The following REPS1 variants were observed in gnomAD, a reference collection of about 807,000 sequenced individuals.
The protein encoded by REPS1 is ralBP1-associated Eps domain-containing protein 1.
Under a neutral mutation model 100.9 loss-of-function variants are expected in REPS1, and 39 were observed. The observed-to-expected ratio is 0.39, with a 90% CI of 0.30 to 0.50. The LOEUF (loss-of-function observed/expected upper bound fraction) is 0.50. Ranked by LOEUF, REPS1 falls within the 20% of genes least tolerant of loss-of-function variation. The pLI is 0.86. For synonymous variants in REPS1, 324 were observed against 340.3 expected (o/e 0.95, Z 0.53); for missense variants, 821 against 968.5 (o/e 0.85, Z 2.02).
intron 17 of REPS1, 161 bp downstream of exon 17, chr6:138,911,115 T>C: frequency 1.8e-6 from 1 of 562,620 alleles, no homozygotes; most frequent in Non-Finnish European, 3.1e-6. Context: ...CAGAATATCA[T>C]CTCCATTAAA....
At chr6:138,923,879 T>A (rs1780936861) in intron 10 of REPS1, among the ~76,000 whole-genome samples, 1 of 152,214 alleles carries the variant, frequency 6.6e-6, no homozygotes, top group African/African-American at 2.4e-5. Context: ...ATATTTCCAA[T>A]ACTGTAAGAA....
intron 18 of REPS1, among the ~76,000 whole-genome samples, chr6:138,908,360 C>T (rs6927528): frequency 0.24 from 35,900 of 151,924 alleles, 5,086 homozygotes; most frequent in African/African-American, 0.4. Context: ...AGTGGTGCCA[C>T]CTCGGCTCAC....
chr6:138,959,275 A>G (rs974418571), intron 1 of REPS1, among the ~76,000 whole-genome samples: 6 of 152,204 alleles, frequency 3.9e-5, no homozygotes, highest in Non-Finnish European at 7.3e-5. Flanking sequence ...ATAAAGGTAC[A>G]CGGAAGCTAC....
At chr6:138,935,870 GC>G (rs1257054498) in intron 8 of REPS1, among the ~76,000 whole-genome samples, 91 of 11,940 alleles carry the variant, frequency 7.6e-3, no homozygotes, top group East Asian at 0.021. Flanking sequence ...GGGGGGGGGC[GC>G]GGGGGAGTGG....
chr6:138,985,194 G>A (rs1785189053), intron 1 of REPS1, among the ~76,000 whole-genome samples: 1 of 152,086 alleles, frequency 6.6e-6, no homozygotes, highest in Admixed American at 6.5e-5. Context: ...TTCTCTGCCT[G>A]GAAGCCCTCA....
At chr6:138,968,808 T>C (rs1784155099) in intron 1 of REPS1, among the ~76,000 whole-genome samples, 1 of 152,194 alleles carries the variant, frequency 6.6e-6, no homozygotes, top group African/African-American at 2.4e-5. Context: ...CTGTCCTTTA[T>C]TAAAAGAAGA....
chr6:138,909,362 C>G (rs1027459410), intron 17 of REPS1, among the ~76,000 whole-genome samples: 2 of 152,144 alleles, frequency 1.3e-5, no homozygotes, highest in East Asian at 1.9e-4. Context: ...TAAAAAACAG[C>G]ATTTTGGCAT....
At chr6:138,964,048 C>G (rs1783882858) in intron 1 of REPS1, among the ~76,000 whole-genome samples, 2 of 152,172 alleles carry the variant, frequency 1.3e-5, no homozygotes. Flanking sequence ...TAGCTCATCT[C>G]ACTTTCACTA....
chr6:138,979,643 C>G (rs1241413809), intron 1 of REPS1, among the ~76,000 whole-genome samples: 5 of 152,110 alleles, frequency 3.3e-5, no homozygotes, highest in Non-Finnish European at 7.4e-5. Context: ...GACTACCCAC[C>G]CCCTTGAAAT....
At position 138,941,350 on chromosome 6, in the gene REPS1, A is replaced by T. The variant is rs1218429821; in HGVS notation, c.1120T>A (p.Leu374Met). The T allele has an allele frequency of 1.1e-5, 17 of 1,613,938 alleles. No individual in the cohort carries two copies. The highest frequency in any genetic ancestry group is 1.4e-5 in the Non-Finnish European group (17 of 1,179,990). The change falls in exon 8 of 20, where the codon TTG becomes ATG. Residue 374 changes from leucine to methionine, a missense_variant. By Grantham distance (15) the Leu-to-Met change is conservative. Coordinates refer to ENST00000450536, the MANE Select transcript of REPS1 (RefSeq NM_001286611.2). ...CCAATCTTACCTGCTGAATCTTCCA[A>T]ATCAATCAGTTTGGGCATTAAGCTT... ...PESLMPKLID[L>M]EDSADVGDQP...
At position 138,945,667 on chromosome 6, in the gene REPS1, G is replaced by C; in HGVS notation, c.308C>G (p.Ala103Gly). Residue 103 changes from alanine to glycine, a missense_variant, in exon 3 of 20, where the codon GCT (alanine) becomes GGT (glycine). Transcript: ENST00000450536. Reference sequence around the variant, plus strand: ...GCGAGATTCCTGTTCATTCTTTGAAGCAACAAATCTTGGCAGAGGAAGGTC... The same window carrying C: ...GCGAGATTCCTGTTCATTCTTTGAACCAACAAATCTTGGCAGAGGAAGGTC... ...VKDLPLPRFV[A>G]SKNEQESRHA... is the part of the protein sequence containing the mutation. The C allele has an allele frequency of 6.2e-7, 1 of 1,608,084 alleles. No homozygotes were observed. Among genetic ancestry groups the C allele is most frequent in the Non-Finnish European group, 8.5e-7 (1 of 1,177,882 alleles).
At chr6:138,987,449 A>G in intron 1 of REPS1, 81 bp downstream of exon 1, 1 of 1,346,662 alleles carries the variant, frequency 7.4e-7, no homozygotes, top group Non-Finnish European at 9.7e-7. Flanking sequence ...CCGGGCCCCA[A>G]GGAATCGGCG....
intron 16 of REPS1, among the ~76,000 whole-genome samples, chr6:138,911,635 G>C (rs1250365351): frequency 6.6e-6 from 1 of 151,010 alleles, no homozygotes; most frequent in Non-Finnish European, 1.5e-5. Context: ...GAGGAGGACA[G>C]AGCGAGGATG....
At chr6:138,934,496 G>T (rs1781679610) in intron 8 of REPS1, among the ~76,000 whole-genome samples, 1 of 152,208 alleles carries the variant, frequency 6.6e-6, no homozygotes, top group Non-Finnish European at 1.5e-5. Flanking sequence ...AACACTGGAA[G>T]AAGTTTCACC....
rs3070143 is a variant in REPS1 at position 138,925,190 on chromosome 6, TACACACACACAC to T, written c.1338+1199_1338+1210del. On this transcript the variant is annotated intron_variant, in intron 10 of 19. Coordinates refer to ENST00000450536, the MANE Select transcript of REPS1 (RefSeq NM_001286611.2). ...GTGAAACCCCGCCTCTACTAAAAAA[TACACACACACAC>T]ACACACACACACAAATTAGCCAGGC... Among the ~76,000 whole-genome samples the T allele has an allele frequency of 6.3e-4, 93 of 148,090 alleles. 1 individual carries two copies. Among genetic ancestry groups the T allele is most frequent in the African/African-American group, 2.2e-3 (86 of 39,824 alleles).
intron 8 of REPS1, among the ~76,000 whole-genome samples, chr6:138,934,039 G>A (rs1342238970): frequency 2.0e-5 from 3 of 152,152 alleles, no homozygotes; most frequent in South Asian, 2.1e-4. Flanking sequence ...AGCAAATTAC[G>A]CATTGCTTCT....
At chr6:138,942,210 A>T (rs1355743143) in intron 7 of REPS1, among the ~76,000 whole-genome samples, 1 of 152,008 alleles carries the variant, frequency 6.6e-6, no homozygotes, top group African/African-American at 2.4e-5. Flanking sequence ...CAGCCACTCC[A>T]CCTTGCTGTC....
chr6:138,934,559 G>C (rs1162564591), intron 8 of REPS1, among the ~76,000 whole-genome samples: 1 of 152,138 alleles, frequency 6.6e-6, no homozygotes, highest in Non-Finnish European at 1.5e-5. Flanking sequence ...TCAGTACAGT[G>C]TACCTGCTAA....
chr6:138,978,432 T>C (rs1236547386), intron 1 of REPS1, among the ~76,000 whole-genome samples: 7 of 151,848 alleles, frequency 4.6e-5, no homozygotes, highest in Non-Finnish European at 5.9e-5. Flanking sequence ...GCCTCCCAAG[T>C]AGCTGGGACC....
Sources: allele counts gnomAD v4.1 joint callset (sites outside exome capture counted in the v4.1 genomes callset), GRCh38; gene constraint gnomAD v4.1.1; transcripts MANE v1.5; gene names NCBI Gene and HGNC (gene_info 2026-07-23, HGNC 2026-07-21).